The following ITGB3BP variants were observed in gnomAD, a reference collection of about 807,000 sequenced individuals.
ITGB3BP encodes integrin subunit beta 3 binding protein.
ITGB3BP carries 27 observed loss-of-function variants against 29.1 expected under a neutral mutation model. That is an observed-to-expected ratio of 0.93 (90% confidence interval 0.68 to 1.28). The LOEUF (loss-of-function observed/expected upper bound fraction) is 1.28. ITGB3BP is among the 50% of genes most tolerant of loss of function. ITGB3BP has a pLI of 0.00. For synonymous variants in ITGB3BP, 61 were observed against 61.4 expected, an observed-to-expected ratio of 0.99 and a Z score of 0.03; for missense variants, 192 against 200.2, an observed-to-expected ratio of 0.96 and a Z score of 0.25.
chr1:63,445,974 G>A (rs1406272082), intron 8 of ITGB3BP, among the ~76,000 whole-genome samples: 1 of 152,090 alleles, frequency 6.6e-6, no homozygotes, highest in East Asian at 1.9e-4. Flanking sequence ...CGTGATCTCA[G>A]CTCACTGCAA....
chr1:63,495,967 T>G (rs1394811793), intron 2 of ITGB3BP, among the ~76,000 whole-genome samples: 1 of 151,992 alleles, frequency 6.6e-6, no homozygotes, highest in Non-Finnish European at 1.5e-5. Flanking sequence ...CATAACCCAT[T>G]CTTGAGATAG....
Position 63,453,937 on chromosome 1 carries a change from A to G in ITGB3BP, c.465T>C (p.Ser155=). Reference sequence around the variant, plus strand: ...ACTTACCTTTGTGAGGAAGTCCTGTACTCTTTTCAAACAGTTTTTGTTTAT... The same window carrying G: ...ACTTACCTTTGTGAGGAAGTCCTGTGCTCTTTTCAAACAGTTTTTGTTTAT... ...KVNKQKLFEK[S]TGLPHKASRH... The change falls in exon 7 of 9, where the codon AGT becomes AGC. Residue 155 remains serine, a synonymous_variant. Coordinates refer to ENST00000271002, the MANE Select transcript of ITGB3BP (RefSeq NM_014288.5). 6.3e-7 allele frequency: 1 copy of G among 1,583,396 alleles called. No individual in the cohort carries two copies. Among genetic ancestry groups the G allele is most frequent in the Non-Finnish European group, 8.6e-7 (1 of 1,158,128 alleles).
At chr1:63,479,981 A>G (rs1645409536) in intron 3 of ITGB3BP, among the ~76,000 whole-genome samples, 1 of 152,152 alleles carries the variant, frequency 6.6e-6, no homozygotes, top group Non-Finnish European at 1.5e-5. Context: ...TTGCTGGGTC[A>G]TATGGTAGTT....
chr1:63,518,003 A>T (rs1646371727), intron 1 of ITGB3BP, among the ~76,000 whole-genome samples: 1 of 152,208 alleles, frequency 6.6e-6, no homozygotes, highest in South Asian at 2.1e-4. Context: ...GATTACCGGC[A>T]TGAGCCACTG....
chr1:63,495,179 G>A (rs888503331), intron 2 of ITGB3BP, among the ~76,000 whole-genome samples: 1 of 152,174 alleles, frequency 6.6e-6, no homozygotes, highest in South Asian at 2.1e-4. Flanking sequence ...AATAAAGTGA[G>A]ATATGAAGTG....
At chr1:63,526,660 G>A (rs558046215), upstream of ITGB3BP, among the ~76,000 whole-genome samples, 104 of 152,218 alleles carry the variant, frequency 6.8e-4, 1 homozygote, top group African/African-American at 2.4e-3. Context: ...TTAAAGTCAT[G>A]TTTAATTTTG....
chr1:63,469,795 T>C (rs1435738776), intron 4 of ITGB3BP, among the ~76,000 whole-genome samples: 1 of 152,246 alleles, frequency 6.6e-6, no homozygotes, highest in Non-Finnish European at 1.5e-5. Context: ...TTCAAGACTG[T>C]TGGGAACAAG....
intron 4 of ITGB3BP, among the ~76,000 whole-genome samples, chr1:63,469,587 A>G (rs544712785): frequency 6.6e-6 from 1 of 152,296 alleles, no homozygotes; most frequent in South Asian, 2.1e-4. Context: ...TGGCCTCCCA[A>G]AGTGTTGGGA....
At chr1:63,514,118 A>G in intron 1 of ITGB3BP, among the ~76,000 whole-genome samples, 1 of 152,222 alleles carries the variant, frequency 6.6e-6, no homozygotes, top group East Asian at 1.9e-4. Flanking sequence ...CTAGAATTTC[A>G]TATAAATAGA....
intron 1 of ITGB3BP, among the ~76,000 whole-genome samples, chr1:63,518,913 T>C (rs926202065): frequency 3.3e-5 from 5 of 152,278 alleles, no homozygotes; most frequent in Admixed American, 1.3e-4. Context: ...CAGTATGCCT[T>C]TTTAACATAC....
In ITGB3BP at chr1:63,523,188, C is replaced by A; in HGVS notation, c.-55G>T. On this transcript the variant is annotated 5_prime_UTR_variant, in exon 1 of 9. Transcript: ENST00000271002. Reference sequence around the variant, plus strand: ...TGAATAAAACGAACCCAGCAACTTCCGAAAACAGAAAATCCGCCAAAGGAA... The same window carrying A: ...TGAATAAAACGAACCCAGCAACTTCAGAAAACAGAAAATCCGCCAAAGGAA... 1.2e-6 allele frequency: 2 copies of A among 1,612,442 alleles called. No individual in the cohort carries two copies. The highest frequency in any genetic ancestry group is 1.7e-6 in the Non-Finnish European group (2 of 1,179,470).
At chr1:63,483,966 AC>A (rs759961259) in intron 3 of ITGB3BP, among the ~76,000 whole-genome samples, 9 of 152,170 alleles carry the variant, frequency 5.9e-5, no homozygotes, top group Non-Finnish European at 1.2e-4. Flanking sequence ...TGACAAAATC[AC>A]CAAACAATGC....
chr1:63,502,071 G>A (rs2100739525), intron 2 of ITGB3BP, among the ~76,000 whole-genome samples: 1 of 152,168 alleles, frequency 6.6e-6, no homozygotes, highest in Non-Finnish European at 1.5e-5. Context: ...AAAAGACTGG[G>A]TCAAGCTGGC....
upstream of ITGB3BP, chr1:63,525,651 T>A (rs17125106): frequency 3.9e-3 from 6,212 of 1,602,082 alleles, 201 homozygotes; most frequent in African/African-American, 0.073. Flanking sequence ...AACAAAGAAA[T>A]TTCCACTAAC....
intron 4 of ITGB3BP, among the ~76,000 whole-genome samples, chr1:63,458,796 C>G (rs2100524912): frequency 1.3e-5 from 2 of 152,208 alleles, no homozygotes; most frequent in African/African-American, 4.8e-5. Flanking sequence ...ATGGGAGGGA[C>G]CCAGTAACTA....
intron 2 of ITGB3BP, among the ~76,000 whole-genome samples, chr1:63,493,417 A>AAAAAAAAC (rs772296033): frequency 6.9e-6 from 1 of 145,474 alleles, no homozygotes; most frequent in African/African-American, 2.5e-5. Flanking sequence ...TCTGTCTCAA[A>AAAAAAAAC]AAACAAACAA....
intron 4 of ITGB3BP, among the ~76,000 whole-genome samples, chr1:63,471,391 A>G (rs1054249816): frequency 6.6e-6 from 1 of 151,218 alleles, no homozygotes; most frequent in African/African-American, 2.4e-5. Flanking sequence ...AGCTGGGACT[A>G]CAGGCGCCCG....
intron 2 of ITGB3BP, among the ~76,000 whole-genome samples, chr1:63,505,475 T>C (rs886741133): frequency 1.3e-4 from 20 of 152,222 alleles, no homozygotes; most frequent in Non-Finnish European, 1.3e-4. Context: ...ACTGGATTCA[T>C]TGATTTTTTG....
At chr1:63,503,749 GC>G (rs1297291421) in intron 2 of ITGB3BP, among the ~76,000 whole-genome samples, 1 of 152,106 alleles carries the variant, frequency 6.6e-6, no homozygotes, top group African/African-American at 2.4e-5. Flanking sequence ...AGTTTTCCCA[GC>G]ACCATTTATT....
Sources: allele counts gnomAD v4.1 joint callset (sites outside exome capture counted in the v4.1 genomes callset), GRCh38; gene constraint gnomAD v4.1.1; transcripts MANE v1.5; gene names NCBI Gene and HGNC (gene_info 2026-07-23, HGNC 2026-07-21).